Variants in CNTNAP2 observed in about 807,000 individuals in gnomAD.
The protein encoded by CNTNAP2 is contactin associated protein 2, also known as contactin-associated protein-like 2.
In CNTNAP2, 98 loss-of-function variants were observed where a neutral mutation model predicts 155.2. The ratio of observed to expected loss-of-function variants is 0.63; its 90% CI spans 0.54 to 0.75. The LOEUF (loss-of-function observed/expected upper bound fraction) is 0.75, where lower values mean the gene tolerates loss of function less well. Ranked by LOEUF, CNTNAP2 falls within the 30% of genes least tolerant of loss-of-function variation. CNTNAP2 has a pLI of 0.00. For missense variants in CNTNAP2, 1,727 were observed against 1,688.1 expected, an observed-to-expected ratio of 1.02 and a Z score of -0.40; for synonymous variants, 651 against 631.2, an observed-to-expected ratio of 1.03 and a Z score of -0.47.
intron 15 of CNTNAP2, among the ~76,000 whole-genome samples, chr7:148,058,326 A>T (rs1208133843): frequency 2.6e-5 from 4 of 152,156 alleles, no homozygotes; most frequent in Non-Finnish European, 4.4e-5. Context: ...TCCCAGCAGC[A>T]TCTGTTTATG....
intron 11 of CNTNAP2, among the ~76,000 whole-genome samples, chr7:147,516,531 A>G (rs1799130081): frequency 6.6e-6 from 1 of 152,140 alleles, no homozygotes; most frequent in Admixed American, 6.6e-5. Flanking sequence ...ATACTGCTGA[A>G]GTACGTAACC....
At chr7:147,295,573 C>A (rs1418139012) in intron 8 of CNTNAP2, among the ~76,000 whole-genome samples, 1 of 152,058 alleles carries the variant, frequency 6.6e-6, no homozygotes, top group Non-Finnish European at 1.5e-5. Context: ...GCACATAGAG[C>A]TTAGAACTTT....
At chr7:147,523,994 C>T (rs1047102955) in intron 11 of CNTNAP2, among the ~76,000 whole-genome samples, 8 of 152,054 alleles carry the variant, frequency 5.3e-5, no homozygotes, top group Non-Finnish European at 1.0e-4. Flanking sequence ...TTTATGAGTC[C>T]GTTGACATTG....
intron 11 of CNTNAP2, among the ~76,000 whole-genome samples, chr7:147,552,571 AACAC>A (rs34755315): frequency 0.13 from 19,085 of 142,804 alleles, 1,391 homozygotes; most frequent in East Asian, 0.36. Context: ...TACTTTCCTC[AACAC>A]ACACACACAC....
chr7:146,556,475 T>C (rs543605416), intron 1 of CNTNAP2, among the ~76,000 whole-genome samples: 8 of 152,338 alleles, frequency 5.3e-5, no homozygotes, highest in East Asian at 1.9e-4. Flanking sequence ...CAGCGTATTA[T>C]GATAGGTGCC....
intron 1 of CNTNAP2, among the ~76,000 whole-genome samples, chr7:146,350,284 C>A (rs1478565767): frequency 9.9e-5 from 15 of 152,028 alleles, no homozygotes; most frequent in Non-Finnish European, 7.4e-5. Context: ...ACTCATCTGA[C>A]AAAGGGCTAA....
At chr7:147,925,999 G>A (rs928299991) in intron 14 of CNTNAP2, among the ~76,000 whole-genome samples, 1 of 152,094 alleles carries the variant, frequency 6.6e-6, no homozygotes, top group Non-Finnish European at 1.5e-5. Flanking sequence ...TTATTTTAGT[G>A]ATAAAAAATG....
Position 148,180,719 on chromosome 7 carries a change from C to T in CNTNAP2, c.3010+8241C>T, listed in dbSNP as rs538858981. 3.9e-5 allele frequency among the ~76,000 whole-genome samples: 6 copies of T among 152,278 alleles called. No homozygotes were observed. In the South Asian group the frequency reaches 1.2e-3, roughly 32 times the overall value. On this transcript the variant is annotated intron_variant, in intron 18 of 23. Transcript: ENST00000361727. ...ACCCTAGAGCAGAATTTGCAGTAAA[C>T]AGTAGATAAGGTGGAAAACTTAGTG...
At chr7:146,744,605 T>C (rs1801778963) in intron 1 of CNTNAP2, among the ~76,000 whole-genome samples, 1 of 152,218 alleles carries the variant, frequency 6.6e-6, no homozygotes. Context: ...AAGTCAAAAC[T>C]CTTAAGCTGC....
intron 4 of CNTNAP2, among the ~76,000 whole-genome samples, chr7:147,079,870 C>G (rs1800084859): frequency 6.6e-6 from 1 of 152,092 alleles, no homozygotes; most frequent in Non-Finnish European, 1.5e-5. Context: ...GCGAGACTTA[C>G]TGTCATGTGT....
intron 2 of CNTNAP2, among the ~76,000 whole-genome samples, chr7:146,827,154 T>TATTA (rs1017415258): frequency 5.3e-4 from 80 of 152,078 alleles, no homozygotes; most frequent in African/African-American, 1.9e-3. Flanking sequence ...TTTTTTACTT[T>TATTA]ATTCTTATAT....
At chr7:147,928,407 T>A (rs898034955) in intron 14 of CNTNAP2, among the ~76,000 whole-genome samples, 1 of 152,236 alleles carries the variant, frequency 6.6e-6, no homozygotes, top group Non-Finnish European at 1.5e-5. Context: ...ATAGATTATA[T>A]GAAATTATGT....
chr7:147,376,083 C>A (rs559034603), intron 9 of CNTNAP2, among the ~76,000 whole-genome samples: 11 of 152,116 alleles, frequency 7.2e-5, no homozygotes, highest in Non-Finnish European at 7.4e-5. Flanking sequence ...TATTTAGGAA[C>A]TTTACTCTTT....
At chr7:146,368,496 C>A (rs1288987165) in intron 1 of CNTNAP2, among the ~76,000 whole-genome samples, 1 of 152,008 alleles carries the variant, frequency 6.6e-6, no homozygotes. Context: ...AGTCACTATC[C>A]CTTTGATACT....
chr7:147,560,352 C>G (rs528384492), intron 11 of CNTNAP2, among the ~76,000 whole-genome samples: 2 of 152,082 alleles, frequency 1.3e-5, no homozygotes, highest in Non-Finnish European at 2.9e-5. Flanking sequence ...AGTTTTCATT[C>G]TGTATAAGTT....
chr7:147,013,459 C>A (rs1798662606), intron 3 of CNTNAP2, among the ~76,000 whole-genome samples: 1 of 152,100 alleles, frequency 6.6e-6, no homozygotes, highest in African/African-American at 2.4e-5. Context: ...TAGCTAACCT[C>A]ACAAAATATA....
At chr7:147,258,927 T>G (rs1456600041) in intron 8 of CNTNAP2, among the ~76,000 whole-genome samples, 1 of 152,230 alleles carries the variant, frequency 6.6e-6, no homozygotes, top group Non-Finnish European at 1.5e-5. Flanking sequence ...AGTCATATGT[T>G]TCTTTATCAA....
intron 8 of CNTNAP2, among the ~76,000 whole-genome samples, chr7:147,185,234 C>A (rs1214381428): frequency 6.6e-6 from 1 of 151,802 alleles, no homozygotes; most frequent in Non-Finnish European, 1.5e-5. Flanking sequence ...AATAAAAAGA[C>A]CAAAAGCAAA....
At chr7:146,525,588 C>T in intron 1 of CNTNAP2, among the ~76,000 whole-genome samples, 1 of 141,698 alleles carries the variant, frequency 7.1e-6, no homozygotes, top group Middle Eastern at 3.6e-3. Flanking sequence ...CTCTATCTAT[C>T]ATCTATCTAT....
Sources: allele counts gnomAD v4.1 joint callset (sites outside exome capture counted in the v4.1 genomes callset), GRCh38; gene constraint gnomAD v4.1.1; transcripts MANE v1.5; gene names NCBI Gene and HGNC (gene_info 2026-07-23, HGNC 2026-07-21).